Variants in GNAI1 observed in about 807,000 individuals in gnomAD.
GNAI1 encodes G protein subunit alpha i1, also known as guanine nucleotide-binding protein G(i) subunit alpha-1.
GNAI1 carries 11 observed loss-of-function variants against 38.9 expected under a neutral mutation model. The ratio of observed to expected loss-of-function variants is 0.28; its 90% CI spans 0.18 to 0.47. GNAI1 has a LOEUF of 0.47. Among genes scored for constraint, GNAI1 ranks in the 20% least tolerant of loss-of-function variants. The pLI is 0.99. For synonymous variants in GNAI1, 166 were observed against 145.1 expected, an observed-to-expected ratio of 1.14 and a Z score of -1.04; for missense variants, 317 against 436.9, an observed-to-expected ratio of 0.73 and a Z score of 2.45.
chr7:80,186,233 A>G (rs1244712928), intron 1 of GNAI1, among the ~76,000 whole-genome samples: 1 of 151,880 alleles, frequency 6.6e-6, no homozygotes, highest in Non-Finnish European at 1.5e-5. Flanking sequence ...GGATTTCACC[A>G]TATTGGCCAG....
intron 1 of GNAI1, among the ~76,000 whole-genome samples, chr7:80,138,852 G>A (rs773547206): frequency 2.0e-5 from 3 of 151,950 alleles, no homozygotes; most frequent in Non-Finnish European, 4.4e-5. Flanking sequence ...TTCCAGGTTT[G>A]GGGGAAAATG....
intron 5 of GNAI1, among the ~76,000 whole-genome samples, chr7:80,204,382 C>G (rs747698694): frequency 6.6e-6 from 1 of 151,948 alleles, no homozygotes; most frequent in East Asian, 1.9e-4. Flanking sequence ...AGAAAAGCAC[C>G]GAATCGTAGT....
intron 1 of GNAI1, among the ~76,000 whole-genome samples, chr7:80,152,109 T>C (rs1787737939): frequency 6.6e-6 from 1 of 152,212 alleles, no homozygotes; most frequent in Non-Finnish European, 1.5e-5. Flanking sequence ...AATCTCATGT[T>C]ACAAAGCAGG....
At chr7:80,188,103 C>T (rs985723586) in intron 1 of GNAI1, among the ~76,000 whole-genome samples, 1 of 152,152 alleles carries the variant, frequency 6.6e-6, no homozygotes, top group Non-Finnish European at 1.5e-5. Flanking sequence ...TTGTCCAGCA[C>T]AACACTGAAC....
intron 7 of GNAI1, 72 bp from the exon 8 acceptor site, chr7:80,217,231 A>T: frequency 2.9e-6 from 3 of 1,028,278 alleles, no homozygotes; most frequent in African/African-American, 1.6e-5. Context: ...CATATGTATG[A>T]AACTGAATTC....
chr7:80,143,511 T>G (rs1438460727), intron 1 of GNAI1, among the ~76,000 whole-genome samples: 2 of 152,190 alleles, frequency 1.3e-5, no homozygotes, highest in African/African-American at 4.8e-5. Context: ...GAATTTAGTT[T>G]TCTAACATTT....
chr7:80,159,413 G>A (rs1167208616), intron 1 of GNAI1, among the ~76,000 whole-genome samples: 1 of 152,074 alleles, frequency 6.6e-6, no homozygotes, highest in Non-Finnish European at 1.5e-5. Context: ...CACATCTAAA[G>A]TTCAGTCAGT....
intron 1 of GNAI1, among the ~76,000 whole-genome samples, chr7:80,154,564 T>C (rs1169561152): frequency 6.6e-6 from 1 of 152,190 alleles, no homozygotes; most frequent in Non-Finnish European, 1.5e-5. Context: ...CAGTTTTTAT[T>C]TGGATTCTTC....
rs1305904485 is a variant in GNAI1, at chr7:80,222,227, A to T, written c.*4734A>T. 6.6e-6 allele frequency among the ~76,000 whole-genome samples: 1 copy of T among 152,108 alleles called. No individual in the cohort carries two copies. The highest frequency in any genetic ancestry group is 6.5e-5 in the Admixed American group (1 of 15,270). On this transcript the variant is annotated 3_prime_UTR_variant, in exon 8 of 8. Transcript: ENST00000649796. ...CCAAGCCAGAGCTGATTAGGCCTCA[A>T]CTGGAATAGTCCCACCATGTAATAA...
At chr7:80,180,729 A>G (rs1227789888) in intron 1 of GNAI1, among the ~76,000 whole-genome samples, 1 of 152,110 alleles carries the variant, frequency 6.6e-6, no homozygotes, top group East Asian at 1.9e-4. Flanking sequence ...TTACGACTAG[A>G]GTGATATATT....
chr7:80,135,708 T>C, intron 1 of GNAI1: 1 of 484,826 alleles, frequency 2.1e-6, no homozygotes, highest in Non-Finnish European at 2.5e-6. Context: ...GCGGTGTAGG[T>C]TGTGTTTCGA....
Position 80,220,353 on chromosome 7 carries a change from TTTAAATTTGGCA to T in GNAI1, c.*2861_*2872del, listed in dbSNP as rs1789050853. Among the ~76,000 whole-genome samples, 1 of 152,192 alleles carries T rather than the reference TTTAAATTTGGCA, an allele frequency of 6.6e-6. No individual in the cohort carries two copies. Among genetic ancestry groups the T allele is most frequent in the South Asian group, 2.1e-4 (1 of 4,830 alleles). ...ATGGTGTGTAAAATGTATTGGCACT[TTTAAATTTGGCA>T]CTTTTAAATTTGTTTGTGATACCTC... is the stretch of plus-strand genomic sequence containing the variant. On this transcript the variant is annotated 3_prime_UTR_variant, in exon 8 of 8. Coordinates refer to ENST00000649796, the MANE Select transcript of GNAI1 (RefSeq NM_002069.6).
chr7:80,153,005 A>G (rs190775170), intron 1 of GNAI1, among the ~76,000 whole-genome samples: 1 of 152,328 alleles, frequency 6.6e-6, no homozygotes, highest in East Asian at 1.9e-4. Context: ...AATTATATCT[A>G]ATACACTGTA....
At chr7:80,162,380 G>A (rs138216375) in intron 1 of GNAI1, among the ~76,000 whole-genome samples, 413 of 152,234 alleles carry the variant, frequency 2.7e-3, no homozygotes, top group Middle Eastern at 6.8e-3. Context: ...AAATTCTACA[G>A]CACCTCACTG....
At chr7:80,198,548 C>T (rs369157372) in intron 3 of GNAI1, among the ~76,000 whole-genome samples, 215 of 152,086 alleles carry the variant, frequency 1.4e-3, no homozygotes, top group African/African-American at 5.1e-3. Flanking sequence ...TACATACTGT[C>T]CTCTATGTAT....
rs1554354314 is a variant in GNAI1 at position 80,221,640 on chromosome 7, T to TC, written c.*4147_*4148insC. Among the ~76,000 whole-genome samples, 3 of 79,354 alleles carry TC rather than the reference T, an allele frequency of 3.8e-5. No individual in the cohort carries two copies. The highest frequency in any genetic ancestry group is 1.7e-4 in the African/African-American group (3 of 17,512). 52.1% of individuals were successfully genotyped at this position (79,354 alleles called of 152,430 possible). On this transcript the variant is annotated 3_prime_UTR_variant, in exon 8 of 8. Transcript: ENST00000649796. ...TAATGTTAGGTTGGAAATTTTCTTT[T>TC]TTTTTTTTTTTTTTTTTTTTTGGTA...
chr7:80,222,331 C>T lies in GNAI1; in HGVS notation c.*4838C>T, dbSNP rs1584063172. Among the ~76,000 whole-genome samples the T allele has an allele frequency of 2.0e-5, 3 of 151,548 alleles. No individual in the cohort carries two copies. Among genetic ancestry groups the T allele is most frequent in the East Asian group, 3.9e-4 (2 of 5,158 alleles). ...CTGCCCGTCTTCCTAGGTCTCCATC[C>T]GTAAAGTGGATGGAAACACTGTCAT... On this transcript the variant is annotated 3_prime_UTR_variant, in exon 8 of 8. Transcript: ENST00000649796.
intron 5 of GNAI1, among the ~76,000 whole-genome samples, chr7:80,206,038 A>T (rs539765157): frequency 6.6e-6 from 1 of 152,122 alleles, no homozygotes; most frequent in African/African-American, 2.4e-5. Context: ...TCTCATAAAG[A>T]AGTCTCACTG....
At chr7:80,197,411 C>G (rs894210558) in intron 3 of GNAI1, among the ~76,000 whole-genome samples, 10 of 151,880 alleles carry the variant, frequency 6.6e-5, no homozygotes, top group African/African-American at 2.4e-4. Context: ...GTGACCCATA[C>G]TGGAGGGCAT....
Sources: allele counts gnomAD v4.1 joint callset (sites outside exome capture counted in the v4.1 genomes callset), GRCh38; gene constraint gnomAD v4.1.1; transcripts MANE v1.5; gene names NCBI Gene and HGNC (gene_info 2026-07-23, HGNC 2026-07-21).